Variants in TACC2 observed in about 807,000 individuals in gnomAD.
TACC2 encodes the protein transforming acidic coiled-coil-containing protein 2.
A neutral mutation model predicts 227.3 loss-of-function variants in TACC2; 137 were observed. The observed-to-expected ratio is 0.60, with a 90% CI of 0.52 to 0.69. The LOEUF is 0.69. Ranked by LOEUF, TACC2 falls within the 30% of genes least tolerant of loss-of-function variation. The probability of loss-of-function intolerance (pLI) is 0.00; values close to 1 mark genes in which losing one functional copy is unlikely to be tolerated. For synonymous variants in TACC2, 1,523 were observed against 1,487.5 expected (o/e 1.02, Z -0.55); for missense variants, 3,470 against 3,694.4 (o/e 0.94, Z 1.57).
At chr10:122,244,680 C>T (rs1420858351) in intron 19 of TACC2, among the ~76,000 whole-genome samples, 1 of 152,136 alleles carries the variant, frequency 6.6e-6, no homozygotes, top group Non-Finnish European at 1.5e-5. Context: ...TAACCAGCAT[C>T]CCTTGTGAAA....
rs935290727 is a variant in TACC2 at position 122,209,116 on chromosome 10, G to A, written c.5972-1281G>A. ...AGGAGCAACCTCCTTGACTGGCAGG[G>A]GCTGATGAGGTAGAAAAGCTGAGAG... is the stretch of plus-strand genomic sequence containing the variant. On this transcript the variant is annotated intron_variant, in intron 8 of 22. Coordinates refer to ENST00000369005, the MANE Select transcript of TACC2 (RefSeq NM_206862.4). This position sits in a 1 kb window ranked among gnomAD's most constrained non-coding sequence, Gnocchi z 4.5. 6.6e-6 allele frequency among the ~76,000 whole-genome samples: 1 copy of A among 152,208 alleles called. No homozygotes were observed. The highest frequency in any genetic ancestry group is 2.4e-5 in the African/African-American group (1 of 41,452).
intron 19 of TACC2, among the ~76,000 whole-genome samples, chr10:122,245,536 G>A (rs1337067424): frequency 6.6e-6 from 1 of 152,172 alleles, no homozygotes; most frequent in Non-Finnish European, 1.5e-5. Context: ...AACTAAGAAA[G>A]CAGCCAGAAT....
At chr10:122,158,273 C>T (rs1271108445) in intron 7 of TACC2, among the ~76,000 whole-genome samples, 1 of 151,914 alleles carries the variant, frequency 6.6e-6, no homozygotes, top group African/African-American at 2.4e-5. Context: ...CCTGTGGTCC[C>T]AGCTACTCGG....
intron 6 of TACC2, among the ~76,000 whole-genome samples, chr10:122,140,522 G>A (rs921963678): frequency 6.6e-6 from 1 of 152,218 alleles, no homozygotes; most frequent in Admixed American, 6.5e-5. Flanking sequence ...CTAGCTTTCC[G>A]CCAGAGGAAG....
In TACC2 at chr10:122,022,202, G is replaced by T. The variant is rs574768347; in HGVS notation, c.33+188G>T. ...TCATTGGAATTCTCTTACGATTAAG[G>T]CTAGCTCTAGTTAAAGCCGGAAACG... On this transcript the variant is annotated intron_variant, in intron 2 of 22. Coordinates refer to ENST00000369005, the MANE Select transcript of TACC2 (RefSeq NM_206862.4). The T allele has an allele frequency of 8.5e-5, 49 of 575,580 alleles. No individual in the cohort carries two copies. In the African/African-American group the frequency reaches 9.0e-4, roughly 11 times the overall value. The allele number at this position is 575,580 out of a possible 1,614,324, so 35.7% of individuals were successfully genotyped here. A position where few individuals can be genotyped will look rare whatever the true frequency, so the allele number is the denominator to read the frequency against.
At position 122,085,494 on chromosome 10, in the gene TACC2, T is replaced by G; in HGVS notation, c.2994T>G (p.Ala998=). 6.2e-7 allele frequency: 1 copy of G among 1,613,638 alleles called. No individual in the cohort carries two copies. The highest frequency in any genetic ancestry group is 8.5e-7 in the Non-Finnish European group (1 of 1,180,050). The change falls in exon 4 of 23, where the codon GCT becomes GCG. Residue 998 remains alanine (A), a synonymous_variant. Transcript: ENST00000369005. ...CAAACAAGTCTCAACAGGCATTGGC[T>G]GATGCCTTGGAAGAAGGCAGCCAGC... ...QGPNKSQQAL[A]DALEEGSQHE... is the part of the protein sequence containing the mutation.
In TACC2 at chr10:122,053,023, T is replaced by C. The variant is rs149876890; in HGVS notation, c.146+2473T>C. 4.1e-3 allele frequency among the ~76,000 whole-genome samples: 623 copies of C among 152,356 alleles called. 2 individuals are homozygous for C. The South Asian group carries it at 0.044, about 11-fold the overall frequency. ...AATGCTCTGTGTGTGCAATAGATCATTGCATTTTTTTTAAAACCTATTCGG... is the reference window on the plus strand; with the variant it reads ...AATGCTCTGTGTGTGCAATAGATCACTGCATTTTTTTTAAAACCTATTCGG... On this transcript the variant is annotated intron_variant, in intron 3 of 22. Transcript: ENST00000369005.
intron 2 of TACC2, among the ~76,000 whole-genome samples, chr10:122,044,308 T>A (rs2074712646): frequency 6.6e-6 from 1 of 152,256 alleles, no homozygotes; most frequent in Non-Finnish European, 1.5e-5. Context: ...GTCAATCTTT[T>A]GTACCCCCTT....
intron 6 of TACC2, among the ~76,000 whole-genome samples, chr10:122,139,516 AG>A (rs1428154390): frequency 2.0e-4 from 30 of 152,118 alleles, no homozygotes; most frequent in Non-Finnish European, 4.0e-4. Flanking sequence ...CCCATTGCTG[AG>A]TCTCATTTTA....
At position 122,114,155 on chromosome 10, in the gene TACC2, C is replaced by T. The variant is rs564742990; in HGVS notation, c.5574-18454C>T. 7.9e-5 allele frequency among the ~76,000 whole-genome samples: 12 copies of T among 152,260 alleles called. No homozygotes were observed. In the East Asian group the frequency reaches 2.3e-3, roughly 29 times the overall value. On this transcript the variant is annotated intron_variant, in intron 5 of 22. Transcript: ENST00000369005. ...GCGGCTGGAGAGGATGGGGGGCCCT[C>T]GTGTCACAGGACGTGGGACATTGAG...
intron 7 of TACC2, among the ~76,000 whole-genome samples, chr10:122,188,211 C>A (rs749995472): frequency 1.3e-5 from 2 of 152,164 alleles, no homozygotes; most frequent in Non-Finnish European, 2.9e-5. Context: ...TCATTTCTGT[C>A]TCTTCAGATG....
intron 6 of TACC2, among the ~76,000 whole-genome samples, chr10:122,136,574 A>ATGTAGTCT (rs2139013601): frequency 7.0e-6 from 1 of 142,068 alleles, no homozygotes; most frequent in South Asian, 2.4e-4. Flanking sequence ...TATATATTAG[A>ATGTAGTCT]TGTAGTCTTG....
At chr10:122,017,773 C>T (rs898359847) in intron 1 of TACC2, among the ~76,000 whole-genome samples, 33 of 141,434 alleles carry the variant, frequency 2.3e-4, no homozygotes, top group Middle Eastern at 7.5e-3. Context: ...GCCGAGATCG[C>T]GCCACTGCAC....
At chr10:122,154,611 T>A (rs1592685416) in intron 7 of TACC2, among the ~76,000 whole-genome samples, 1 of 152,212 alleles carries the variant, frequency 6.6e-6, no homozygotes, top group African/African-American at 2.4e-5. Flanking sequence ...TCTTCCCATG[T>A]ACACATCAAC....
At chr10:122,097,184 C>T (rs1007021235) in intron 5 of TACC2, among the ~76,000 whole-genome samples, 18 of 151,936 alleles carry the variant, frequency 1.2e-4, no homozygotes, top group Non-Finnish European at 1.0e-4. Flanking sequence ...GAAAAATTAG[C>T]GTGGTGTGGT....
In TACC2 at chr10:122,005,453, C is replaced by T. The variant is rs183747940; in HGVS notation, c.-46+15965C>T. On this transcript the variant is annotated intron_variant, in intron 1 of 22. Transcript: ENST00000369005. Reference sequence around the variant, plus strand: ...TGGATGGAGTGCAGTGGCATGATCTCGGCTCACTGCAAGCTCCACCTCCTG... The same window carrying T: ...TGGATGGAGTGCAGTGGCATGATCTTGGCTCACTGCAAGCTCCACCTCCTG... Among the ~76,000 whole-genome samples, 1,411 of 147,976 alleles carry T rather than the reference C, an allele frequency of 9.5e-3. 10 individuals are homozygous for T. Among genetic ancestry groups the T allele is most frequent in the African/African-American group, 0.033 (1,340 of 40,154 alleles).
In TACC2 at chr10:122,047,117, C is replaced by T. The variant is rs574957347; in HGVS notation, c.34-3321C>T. On this transcript the variant is annotated intron_variant, in intron 2 of 22. Coordinates refer to ENST00000369005, the MANE Select transcript of TACC2 (RefSeq NM_206862.4). ...TAGCCTGGCCAATATGGTGAAACCC[C>T]GTCTCTACTAAAAATACAAAAATTA... is the stretch of plus-strand genomic sequence containing the variant. 6.6e-5 allele frequency among the ~76,000 whole-genome samples: 10 copies of T among 150,902 alleles called. No individual in the cohort carries two copies. The South Asian group carries it at 1.3e-3, about 19-fold the overall frequency.
At chr10:122,101,646 G>T (rs1051129137) in intron 5 of TACC2, among the ~76,000 whole-genome samples, 1 of 122,256 alleles carries the variant, frequency 8.2e-6, no homozygotes, top group Non-Finnish European at 1.6e-5. Context: ...TGCAAGCTCC[G>T]CCTCCTGGGT....
chr10:122,076,122 G>C lies in TACC2; in HGVS notation c.147-6525G>C, dbSNP rs574454292. Among the ~76,000 whole-genome samples the C allele has an allele frequency of 1.0e-3, 155 of 152,200 alleles. 1 individual carries two copies. The highest frequency in any genetic ancestry group is 3.6e-3 in the African/African-American group (151 of 41,538). On this transcript the variant is annotated intron_variant, in intron 3 of 22. Transcript: ENST00000369005. ...GCATTGATTTCTTACGGTTATGGAG[G>C]CTGAGAAGTCCAAGGGCAAGGGGCT... is the stretch of plus-strand genomic sequence containing the variant.
Sources: gnomAD v4.1 joint callset for allele counts (sites outside exome capture counted in the v4.1 genomes callset) on GRCh38, gnomAD v4.1.1 for gene constraint, Gnocchi (gnomAD v3.1) non-coding constraint, MANE v1.5 for transcripts, NCBI Gene and HGNC (gene_info 2026-07-23, HGNC 2026-07-21) for gene names.